The following SETBP1 variants were observed in gnomAD, a reference collection of about 807,000 sequenced individuals.
The protein encoded by SETBP1 is SET-binding protein.
SETBP1 carries 9 observed loss-of-function variants against 101.0 expected under a neutral mutation model. The ratio of observed to expected loss-of-function variants is 0.09; its 90% CI spans 0.05 to 0.16. SETBP1 has a LOEUF of 0.16. Among genes scored for constraint, SETBP1 ranks in the 10% least tolerant of loss-of-function variants. The pLI is 1.00. For missense variants in SETBP1, 1,858 were observed against 2,033.8 expected (o/e 0.91, Z 1.66); for synonymous variants, 818 against 788.5 (o/e 1.04, Z -0.63).
intron 2 of SETBP1, among the ~76,000 whole-genome samples, chr18:44,818,267 T>C (rs1487296887): frequency 6.6e-6 from 1 of 152,204 alleles, no homozygotes; most frequent in African/African-American, 2.4e-5. Flanking sequence ...AAGGAATTTA[T>C]TCATGTCGAG....
chr18:44,692,836 T>G (rs1365851119), intron 1 of SETBP1, among the ~76,000 whole-genome samples: 1 of 152,146 alleles, frequency 6.6e-6, no homozygotes, highest in African/African-American at 2.4e-5. Context: ...CAGGGAATCA[T>G]ATACAGTAAT....
intron 3 of SETBP1, among the ~76,000 whole-genome samples, chr18:44,907,747 A>G (rs1247347250): frequency 2.0e-5 from 3 of 152,178 alleles, no homozygotes; most frequent in Non-Finnish European, 4.4e-5. Context: ...TCTGGATAGA[A>G]GTCTTTATCA....
chr18:44,867,315 A>G (rs1454216171), intron 2 of SETBP1, among the ~76,000 whole-genome samples: 1 of 152,108 alleles, frequency 6.6e-6, no homozygotes, highest in Admixed American at 6.5e-5. Flanking sequence ...GTGTGTTAGG[A>G]TTGGCCATTT....
chr18:44,894,365 A>G (rs1340271303), intron 3 of SETBP1, among the ~76,000 whole-genome samples: 1 of 152,164 alleles, frequency 6.6e-6, no homozygotes, highest in African/African-American at 2.4e-5. Context: ...CCTAGTAAAC[A>G]GGGATGTGTA....
At chr18:44,966,428 C>T (rs893865586) in intron 4 of SETBP1, among the ~76,000 whole-genome samples, 5 of 152,188 alleles carry the variant, frequency 3.3e-5, no homozygotes, top group Admixed American at 3.3e-4. Flanking sequence ...AATTTTCTTA[C>T]CCATTCTGGC....
At chr18:45,047,739 C>G (rs2073640943) in intron 5 of SETBP1, among the ~76,000 whole-genome samples, 2 of 151,998 alleles carry the variant, frequency 1.3e-5, no homozygotes, top group Admixed American at 6.5e-5. Flanking sequence ...CTTGAGTGGT[C>G]CAGGCAGGCT....
At chr18:45,055,471 C>G (rs955520721) in intron 5 of SETBP1, among the ~76,000 whole-genome samples, 2 of 151,968 alleles carry the variant, frequency 1.3e-5, no homozygotes, top group African/African-American at 4.8e-5. Flanking sequence ...TTGTTGCTAT[C>G]AAAATGTTAT....
At chr18:44,685,999 C>T (rs1446444308) in intron 1 of SETBP1, among the ~76,000 whole-genome samples, 1 of 152,196 alleles carries the variant, frequency 6.6e-6, no homozygotes, top group Non-Finnish European at 1.5e-5. Context: ...TGTGCAAACA[C>T]ACAGGGAGGG....
At position 44,950,837 on chromosome 18, in the gene SETBP1, G is replaced by A; in HGVS notation, c.1497G>A (p.Lys499=). Residue 499 remains lysine, a synonymous_variant, in exon 4 of 6, where the codon AAG becomes AAA. Transcript: ENST00000649279. The part of the protein sequence containing the change: ...VIPGGVSKPR[K]PPMVMTPPTC... ...CAGGAGGTGTGTCTAAGCCGCGGAA[G>A]CCACCCATGGTCATGACACCTCCAA... The A allele has an allele frequency of 1.9e-6, 3 of 1,614,146 alleles. No individual in the cohort carries two copies. Among genetic ancestry groups the A allele is most frequent in the Non-Finnish European group, 2.5e-6 (3 of 1,180,042 alleles).
rs1363878977 is a variant in SETBP1, at chr18:45,063,681, A to G, written c.4774A>G (p.Ser1592Gly). Reference protein sequence around the residue: ...KRQRKSRGSESEVLP With the variant: ...KRQRKSRGSEGEVLP The stretch of plus-strand genomic sequence containing the variant: ...GCAGAGGAAGTCCCGAGGGAGTGAG[A>G]GCGAGGTCCTTCCCTAGGGCGGGTC... Residue 1592 changes from serine (S) to glycine (G), a missense_variant, in exon 6 of 6, where the codon AGC (serine) becomes GGC (glycine). Around this residue, in one of 12 missense-constraint regions of SETBP1, gnomAD observed 178 missense variants for 189.1 expected, o/e 0.94. Transcript: ENST00000649279. 1.2e-6 allele frequency: 2 copies of G among 1,608,374 alleles called. No individual in the cohort carries two copies. The highest frequency in any genetic ancestry group is 1.7e-5 in the Admixed American group (1 of 59,650).
At chr18:44,991,244 C>CAAAAAAAAAAAAAA (rs55811938) in intron 4 of SETBP1, among the ~76,000 whole-genome samples, 1 of 68,212 alleles carries the variant, frequency 1.5e-5, no homozygotes, top group Non-Finnish European at 2.8e-5. Flanking sequence ...CTGCATCTCA[C>CAAAAAAAAAAAAAA]AAAAAAAAAA....
chr18:44,852,006 G>A (rs748390438), intron 2 of SETBP1, among the ~76,000 whole-genome samples: 1 of 152,198 alleles, frequency 6.6e-6, no homozygotes, highest in African/African-American at 2.4e-5. Context: ...GTTCTAGGAA[G>A]CGAATAAGAG....
intron 2 of SETBP1, among the ~76,000 whole-genome samples, chr18:44,860,321 G>A (rs1270088003): frequency 1.3e-5 from 2 of 152,138 alleles, no homozygotes; most frequent in African/African-American, 4.8e-5. Context: ...TTTGTTGGAA[G>A]GAAAGGACCT....
intron 3 of SETBP1, among the ~76,000 whole-genome samples, chr18:44,914,837 G>C (rs897920387): frequency 4.6e-5 from 7 of 152,034 alleles, no homozygotes; most frequent in Non-Finnish European, 7.4e-5. Context: ...AGCTTTCCTG[G>C]AGCTCTATCA....
intron 4 of SETBP1, among the ~76,000 whole-genome samples, chr18:44,996,438 T>C (rs2072500040): frequency 6.6e-6 from 1 of 152,144 alleles, no homozygotes; most frequent in Non-Finnish European, 1.5e-5. Context: ...CTCTGTGGAG[T>C]CACCTCTAGG....
Position 44,951,258 on chromosome 18 carries a change from G to A in SETBP1, c.1918G>A (p.Asp640Asn), listed in dbSNP as rs867162561. ...AKLAQLVPGE[D>N]KPMSEMKFHK... ...GTTGGCCCAGCTAGTGCCGGGAGAG[G>A]ACAAACCCATGAGCGAGATGAAATT... Residue 640 changes from aspartate (D) to asparagine (N), a missense_variant, in exon 4 of 6, where the codon GAC (aspartate) becomes AAC (asparagine). By Grantham distance (23) the Asp-to-Asn change is conservative. Coordinates refer to ENST00000649279, the MANE Select transcript of SETBP1 (RefSeq NM_015559.3). This position sits in a 1 kb window ranked among gnomAD's most constrained non-coding sequence, Gnocchi z 7.8. 1 of 1,613,910 alleles carries A rather than the reference G, an allele frequency of 6.2e-7. No individual in the cohort carries two copies. The highest frequency in any genetic ancestry group is 2.2e-5 in the East Asian group (1 of 44,876).
At chr18:44,783,716 G>C (rs1470770182) in intron 2 of SETBP1, among the ~76,000 whole-genome samples, 1 of 152,186 alleles carries the variant, frequency 6.6e-6, no homozygotes, top group African/African-American at 2.4e-5. Context: ...GGGATGGAAG[G>C]TGTTTTTATT....
In SETBP1 at chr18:45,030,754, C is replaced by T. The variant is rs1183169757; in HGVS notation, c.4001-7731C>T. 4.7e-5 allele frequency among the ~76,000 whole-genome samples: 7 copies of T among 148,966 alleles called. 1 individual carries two copies. The highest frequency in any genetic ancestry group is 3.9e-4 in the East Asian group (2 of 5,160). ...TTTAGTCTTGGGAGGGTGTATGTGT[C>T]GAGGAATTTATCCATTTCTTCTAGA... On this transcript the variant is annotated intron_variant, in intron 4 of 5. Coordinates refer to ENST00000649279, the MANE Select transcript of SETBP1 (RefSeq NM_015559.3).
rs139249835 is a variant in SETBP1 at position 44,959,121 on chromosome 18, G to C, written c.4000+5781G>C. ...CAGTTGGCAAATGTTCTCGTGTCCT[G>C]GTGAAAGTTTTTATTTTTACCTCTG... On this transcript the variant is annotated intron_variant, in intron 4 of 5. Transcript: ENST00000649279. Among the ~76,000 whole-genome samples, 26 of 152,308 alleles carry C rather than the reference G, an allele frequency of 1.7e-4. No homozygotes were observed. The East Asian group carries it at 5.0e-3, about 29-fold the overall frequency.
Sources: gnomAD v4.1 joint callset for allele counts (sites outside exome capture counted in the v4.1 genomes callset) on GRCh38, gnomAD v4.1.1 for gene constraint, gnomAD v4.1.1 regional missense constraint, Gnocchi (gnomAD v3.1) non-coding constraint, MANE v1.5 for transcripts, NCBI Gene and HGNC (gene_info 2026-07-23, HGNC 2026-07-21) for gene names.